ATP6V1C2: variants seen among roughly 807,000 people sequenced by gnomAD.
The protein encoded by ATP6V1C2 is ATPase H+ transporting V1 subunit C2.
A neutral mutation model predicts 56.8 loss-of-function variants in ATP6V1C2; 45 were observed. The observed-to-expected ratio is 0.79, with a 90% CI of 0.62 to 1.02. The LOEUF (loss-of-function observed/expected upper bound fraction) is 1.02, where lower values mean the gene tolerates loss of function less well. Ranked by LOEUF, ATP6V1C2 falls within the 50% of genes least tolerant of loss-of-function variation. ATP6V1C2 has a pLI of 0.00. For missense variants in ATP6V1C2, 463 were observed against 519.7 expected (o/e 0.89, Z 1.06); for synonymous variants, 220 against 201.3 (o/e 1.09, Z -0.79).
intron 10 of ATP6V1C2, among the ~76,000 whole-genome samples, chr2:10,775,879 G>T (rs1261441816): frequency 6.6e-6 from 1 of 152,188 alleles, no homozygotes; most frequent in Non-Finnish European, 1.5e-5. Flanking sequence ...CCAGCCTCTA[G>T]TGACAGGGCA....
At chr2:10,742,391 C>G (rs926074639) in intron 3 of ATP6V1C2, among the ~76,000 whole-genome samples, 1 of 152,190 alleles carries the variant, frequency 6.6e-6, no homozygotes, top group Non-Finnish European at 1.5e-5. Flanking sequence ...ACCCTTCCTT[C>G]TACAAAGAAG....
chr2:10,749,342 T>G (rs1663089114), intron 3 of ATP6V1C2, among the ~76,000 whole-genome samples: 1 of 151,652 alleles, frequency 6.6e-6, no homozygotes, highest in Non-Finnish European at 1.5e-5. Context: ...CAAAAAAAAG[T>G]TTTTTTTAAA....
intron 3 of ATP6V1C2, among the ~76,000 whole-genome samples, chr2:10,741,300 T>C (rs1421708086): frequency 6.6e-6 from 1 of 152,260 alleles, no homozygotes; most frequent in African/African-American, 2.4e-5. Context: ...ACTTAATTGC[T>C]GTGGAGTCAC....
At chr2:10,730,025 C>T (rs1175201281) in intron 3 of ATP6V1C2, among the ~76,000 whole-genome samples, 1 of 152,200 alleles carries the variant, frequency 6.6e-6, no homozygotes, top group Non-Finnish European at 1.5e-5. Flanking sequence ...GGCCCATGGA[C>T]TTGCTCTTTT....
chr2:10,771,599 G>C (rs1664603945), intron 6 of ATP6V1C2, among the ~76,000 whole-genome samples: 2 of 152,214 alleles, frequency 1.3e-5, no homozygotes, highest in South Asian at 4.1e-4. Flanking sequence ...CCGAGGCCCT[G>C]CCAGCCTCCC....
intron 3 of ATP6V1C2, 103 bp downstream of exon 3, chr2:10,726,672 A>C (rs1572496392): frequency 9.2e-7 from 1 of 1,091,308 alleles, no homozygotes; most frequent in East Asian, 2.4e-5. Context: ...ACTTGTCTAG[A>C]CCTGGTTCCA....
At chr2:10,747,853 T>C (rs1301367430) in intron 3 of ATP6V1C2, among the ~76,000 whole-genome samples, 2 of 152,166 alleles carry the variant, frequency 1.3e-5, no homozygotes, top group East Asian at 1.9e-4. Flanking sequence ...TTTTGACTTT[T>C]TTTTTCTTTT....
chr2:10,726,293 A>G (rs565891662), intron 2 of ATP6V1C2, among the ~76,000 whole-genome samples: 47 of 152,324 alleles, frequency 3.1e-4, no homozygotes, highest in African/African-American at 1.1e-3. Context: ...CAGGCATATG[A>G]CAGTTTATCC....
intron 3 of ATP6V1C2, among the ~76,000 whole-genome samples, chr2:10,751,771 T>G (rs1663229721): frequency 6.6e-6 from 1 of 152,188 alleles, no homozygotes; most frequent in Non-Finnish European, 1.5e-5. Flanking sequence ...TGTTTGATAC[T>G]TGCTCGACTC....
chr2:10,724,839 G>GGCTAA (rs1661553816), intron 2 of ATP6V1C2, among the ~76,000 whole-genome samples: 1 of 151,928 alleles, frequency 6.6e-6, no homozygotes, highest in East Asian at 1.9e-4. Flanking sequence ...TGCCTGGCTA[G>GGCTAA]TTTTTGTATT....
At chr2:10,765,181 T>C (rs7585710) in intron 5 of ATP6V1C2, among the ~76,000 whole-genome samples, 6,517 of 152,256 alleles carry the variant, frequency 0.043, 426 homozygotes, top group African/African-American at 0.14. Context: ...GTGAGTGTCC[T>C]GACAGTCCTC....
chr2:10,724,748 C>T (rs568260789), intron 2 of ATP6V1C2, among the ~76,000 whole-genome samples: 1 of 150,572 alleles, frequency 6.6e-6, no homozygotes, highest in African/African-American at 2.4e-5. Context: ...TCTAGGCTCA[C>T]TGCAACCTCC....
At chr2:10,737,795 G>A (rs543786430) in intron 3 of ATP6V1C2, among the ~76,000 whole-genome samples, 192 of 152,260 alleles carry the variant, frequency 1.3e-3, no homozygotes, top group African/African-American at 4.3e-3. Flanking sequence ...CCGGGTTCAA[G>A]CGATTCTCCT....
At chr2:10,758,753 C>T (rs1663706477) in intron 4 of ATP6V1C2, among the ~76,000 whole-genome samples, 1 of 151,024 alleles carries the variant, frequency 6.6e-6, no homozygotes. Flanking sequence ...ACCTCTGCCT[C>T]CTGGGTTCAA....
chr2:10,784,536 T>C lies in ATP6V1C2; in HGVS notation c.*1273T>C, dbSNP rs1572640957. 3.8e-6 allele frequency: 2 copies of C among 528,982 alleles called. No individual in the cohort carries two copies. Among genetic ancestry groups the C allele is most frequent in the Non-Finnish European group, 6.5e-6 (2 of 305,406 alleles). 32.8% of individuals were successfully genotyped at this position (528,982 alleles called of 1,614,324 possible). A position where few individuals can be genotyped will look rare whatever the true frequency, so the allele number is the denominator to read the frequency against. On this transcript the variant is annotated 3_prime_UTR_variant, in exon 14 of 14. Coordinates refer to ENST00000272238, the MANE Select transcript of ATP6V1C2 (RefSeq NM_001039362.2). ...GTGAAACATTTCAACATCACATCAC[T>C]CACCATTTTAACACTGGAAGCCACT...
chr2:10,758,564 G>A (rs1484207681), intron 4 of ATP6V1C2, among the ~76,000 whole-genome samples: 2 of 152,104 alleles, frequency 1.3e-5, no homozygotes, highest in Middle Eastern at 3.2e-3. Context: ...GCCACCACAC[G>A]CCAGCCTGGA....
intron 13 of ATP6V1C2, 74 bp from the exon 14 acceptor site, chr2:10,783,100 C>G (rs530457480): frequency 8.3e-7 from 1 of 1,206,866 alleles, no homozygotes; most frequent in African/African-American, 1.5e-5. Flanking sequence ...GCCTGGCGAG[C>G]TTCCTCAAAA....
At chr2:10,729,238 C>T (rs181993964) in intron 3 of ATP6V1C2, among the ~76,000 whole-genome samples, 4 of 150,608 alleles carry the variant, frequency 2.7e-5, no homozygotes, top group Non-Finnish European at 5.9e-5. Flanking sequence ...GATCTGGGCT[C>T]ACTACAGCCT....
chr2:10,742,736 C>T (rs548248876), intron 3 of ATP6V1C2, among the ~76,000 whole-genome samples: 27 of 152,274 alleles, frequency 1.8e-4, no homozygotes, highest in African/African-American at 5.3e-4. Flanking sequence ...CACCCCTGAA[C>T]GCCTTGGGGT....
Sources: gnomAD v4.1 joint callset for allele counts (sites outside exome capture counted in the v4.1 genomes callset) on GRCh38, gnomAD v4.1.1 for gene constraint, MANE v1.5 for transcripts, NCBI Gene and HGNC (gene_info 2026-07-23, HGNC 2026-07-21) for gene names.